The following FARP1 variants were observed in gnomAD, a reference collection of about 807,000 sequenced individuals.
FARP1 encodes FERM, ARH/RhoGEF and pleckstrin domain protein 1.
FARP1 carries 52 observed loss-of-function variants against 128.8 expected under a neutral mutation model. That is an observed-to-expected ratio of 0.40 (90% CI 0.32 to 0.51). The LOEUF is 0.51. FARP1 is among the 20% of genes least tolerant of loss of function. FARP1 has a pLI of 0.45. For synonymous variants in FARP1, 580 were observed against 551.8 expected (o/e 1.05, Z -0.72); for missense variants, 1,333 against 1,367.9 (o/e 0.97, Z 0.40).
Position 98,176,965 on chromosome 13 carries a change from T to G in FARP1, c.-24+33473T>G. The G allele has an allele frequency of 6.2e-7, 1 of 1,600,916 alleles. No individual in the cohort carries two copies. The highest frequency in any genetic ancestry group is 1.3e-5 in the African/African-American group (1 of 74,984). ...CGAGCGGGTGGACCTGTACACCACG[T>G]CGAGGCTCTCAGGCGCCGCCTCCTC... On this transcript the variant is annotated intron_variant, in intron 1 of 26. Transcript: ENST00000319562. The surrounding 1 kb of genome is among the most constrained non-coding windows in gnomAD (Gnocchi z 6.2).
chr13:98,283,453 C>T lies in FARP1; in HGVS notation c.172-60309C>T, dbSNP rs1173082525. Among the ~76,000 whole-genome samples the T allele has an allele frequency of 5.3e-5, 8 of 152,080 alleles. 1 individual carries two copies. The South Asian group carries it at 1.0e-3, about 20-fold the overall frequency. ...AGCCTAAGGATGCAGCAGAGTTTACCGAAGCCCTTGCAGAGAGGCAGGATA... is the reference window on the plus strand; with the variant it reads ...AGCCTAAGGATGCAGCAGAGTTTACTGAAGCCCTTGCAGAGAGGCAGGATA... On this transcript the variant is annotated intron_variant, in intron 2 of 26. Transcript: ENST00000319562.
rs1387226658 is a variant in FARP1, at chr13:98,378,972, A to G, written c.496+1054A>G. 1.4e-3 allele frequency among the ~76,000 whole-genome samples: 118 copies of G among 87,384 alleles called. 2 individuals carry two copies. Among genetic ancestry groups the G allele is most frequent in the African/African-American group, 6.5e-3 (109 of 16,780 alleles). 57.3% of individuals were successfully genotyped at this position (87,384 alleles called of 152,430 possible). A position where few individuals can be genotyped will look rare whatever the true frequency, so the allele number is the denominator to read the frequency against. On this transcript the variant is annotated intron_variant, in intron 6 of 26. Transcript: ENST00000319562. ...AATATATATATAATATATACAATAT[A>G]TAATCTATATATAATATATATATAA...
At chr13:98,237,771 A>C (rs543884261) in intron 2 of FARP1, among the ~76,000 whole-genome samples, 2 of 152,306 alleles carry the variant, frequency 1.3e-5, no homozygotes, top group African/African-American at 4.8e-5. Flanking sequence ...TAGATTGAGG[A>C]CTGCAGCTTC....
intron 1 of FARP1, among the ~76,000 whole-genome samples, chr13:98,169,624 C>T (rs1405315418): frequency 1.3e-5 from 2 of 152,162 alleles, no homozygotes; most frequent in Non-Finnish European, 2.9e-5. Flanking sequence ...AATTTTACTA[C>T]ATACAGAGTT....
chr13:98,371,465 C>G (rs9517276), intron 5 of FARP1, among the ~76,000 whole-genome samples: 30,458 of 151,976 alleles, frequency 0.2, 3,205 homozygotes, highest in Middle Eastern at 0.27. Context: ...TTTTTGTTTT[C>G]TGGCACCCAG....
At chr13:98,149,004 G>A (rs144337218) in intron 1 of FARP1, among the ~76,000 whole-genome samples, 77 of 151,644 alleles carry the variant, frequency 5.1e-4, no homozygotes, top group Non-Finnish European at 8.7e-4. Flanking sequence ...CTCTCACGTC[G>A]GCCTCCCAAG....
At chr13:98,173,879 G>A (rs1179115274) in intron 1 of FARP1, among the ~76,000 whole-genome samples, 1 of 152,226 alleles carries the variant, frequency 6.6e-6, no homozygotes, top group African/African-American at 2.4e-5. Context: ...GTAAGGTGGT[G>A]CAGTGCTGAT....
chr13:98,421,888 G>C (rs1891608272), intron 16 of FARP1, among the ~76,000 whole-genome samples: 1 of 152,134 alleles, frequency 6.6e-6, no homozygotes, highest in Admixed American at 6.6e-5. Context: ...GAAAATGGAG[G>C]AAGAGGATTT....
At chr13:98,209,962 A>G (rs981199263) in intron 1 of FARP1, among the ~76,000 whole-genome samples, 17 of 151,332 alleles carry the variant, frequency 1.1e-4, no homozygotes, top group Non-Finnish European at 1.6e-4. Flanking sequence ...AGCCTAGGTA[A>G]CAGAGTTTGA....
At chr13:98,336,403 G>A (rs1009454424) in intron 2 of FARP1, among the ~76,000 whole-genome samples, 18 of 152,042 alleles carry the variant, frequency 1.2e-4, no homozygotes, top group Non-Finnish European at 8.8e-5. Flanking sequence ...CCAAGTAGCT[G>A]GGACTACAGG....
chr13:98,206,339 G>A (rs991504363), intron 1 of FARP1, among the ~76,000 whole-genome samples: 1 of 152,076 alleles, frequency 6.6e-6, no homozygotes, highest in African/African-American at 2.4e-5. Flanking sequence ...CTACAAATAT[G>A]GCTTGCCTGT....
intron 17 of FARP1, among the ~76,000 whole-genome samples, chr13:98,426,818 A>G (rs1338474348): frequency 3.3e-5 from 5 of 152,246 alleles, no homozygotes; most frequent in South Asian, 2.1e-4. Context: ...GGCATGAGCT[A>G]TGGCTGAGGC....
chr13:98,166,784 G>A (rs1443633737), intron 1 of FARP1, among the ~76,000 whole-genome samples: 1 of 149,232 alleles, frequency 6.7e-6, no homozygotes, highest in African/African-American at 2.5e-5. Context: ...GTGCAGTGTC[G>A]TGATCATGGT....
chr13:98,261,655 G>GTAA (rs1883887492), intron 2 of FARP1, among the ~76,000 whole-genome samples: 1 of 152,050 alleles, frequency 6.6e-6, no homozygotes, highest in South Asian at 2.1e-4. Context: ...ATGGGAGTTT[G>GTAA]TAACATAGAT....
chr13:98,169,039 TTAAGA>T (rs756537799), intron 1 of FARP1, among the ~76,000 whole-genome samples: 17 of 152,334 alleles, frequency 1.1e-4, no homozygotes, highest in South Asian at 4.1e-4. Flanking sequence ...TTTTTTGTTG[TTAAGA>T]TAATTCATTT....
At chr13:98,255,424 C>A (rs1190546014) in intron 2 of FARP1, among the ~76,000 whole-genome samples, 1 of 152,106 alleles carries the variant, frequency 6.6e-6, no homozygotes, top group Admixed American at 6.5e-5. Flanking sequence ...TGGCGTGAAC[C>A]CAGGACGCGA....
chr13:98,285,640 C>T (rs563828509), intron 2 of FARP1, among the ~76,000 whole-genome samples: 19 of 152,280 alleles, frequency 1.2e-4, no homozygotes, highest in Admixed American at 7.8e-4. Flanking sequence ...TTTTGTTTTG[C>T]GTATTTGGTC....
At chr13:98,237,173 G>A (rs1882471136) in intron 2 of FARP1, among the ~76,000 whole-genome samples, 1 of 151,392 alleles carries the variant, frequency 6.6e-6, no homozygotes, top group African/African-American at 2.4e-5. Context: ...GCATGGTGGT[G>A]GGTGCCTATA....
At chr13:98,243,696 CAAAAAAAA>C (rs61020922) in intron 2 of FARP1, among the ~76,000 whole-genome samples, 7 of 64,916 alleles carry the variant, frequency 1.1e-4, no homozygotes, top group Non-Finnish European at 1.8e-4. Context: ...GACTCCATCT[CAAAAAAAA>C]AAAAAAAAAA....
Sources: allele counts gnomAD v4.1 joint callset (sites outside exome capture counted in the v4.1 genomes callset), GRCh38; gene constraint gnomAD v4.1.1; non-coding constraint Gnocchi (gnomAD v3.1); transcripts MANE v1.5; gene names NCBI Gene and HGNC (gene_info 2026-07-23, HGNC 2026-07-21).